Variants in TIMD4 observed in about 807,000 individuals in gnomAD.
TIMD4 encodes the protein T cell immunoglobulin and mucin domain containing 4, also known as T-cell immunoglobulin and mucin domain-containing protein 4.
In TIMD4, 31 loss-of-function variants were observed where a neutral mutation model predicts 41.2. The observed-to-expected ratio is 0.75, with a 90% confidence interval of 0.57 to 1.01. The LOEUF (loss-of-function observed/expected upper bound fraction) is 1.01, where lower values mean the gene tolerates loss of function less well. Ranked by LOEUF, TIMD4 falls within the 50% of genes least tolerant of loss-of-function variation. The pLI, the probability that TIMD4 is intolerant of heterozygous loss-of-function variation, is 0.00. For missense variants in TIMD4, 479 were observed against 472.5 expected, an observed-to-expected ratio of 1.01 and a Z score of -0.13; for synonymous variants, 204 against 177.1, an observed-to-expected ratio of 1.15 and a Z score of -1.21.
At chr5:156,924,585 G>A (rs1759311616) in intron 6 of TIMD4, 3 of 270,690 alleles carry the variant, frequency 1.1e-5, no homozygotes, top group Admixed American at 9.1e-5. Context: ...GCAAGCCATC[G>A]AGTTTGTGCA....
intron 1 of TIMD4, among the ~76,000 whole-genome samples, chr5:156,961,761 A>G (rs1299915194): frequency 7.4e-6 from 1 of 135,700 alleles, no homozygotes; most frequent in Non-Finnish European, 1.6e-5. Flanking sequence ...CGAGATAGAG[A>G]TAGTGCCACT....
At chr5:156,922,357 C>A in intron 6 of TIMD4, 141 bp from the exon 7 acceptor site, 1 of 766,894 alleles carries the variant, frequency 1.3e-6, no homozygotes. Flanking sequence ...TCTCTGAAAA[C>A]CCAAAACACG....
At chr5:156,949,779 G>A (rs772735618) in intron 3 of TIMD4, 48 bp from the exon 4 acceptor site, 1 of 1,143,240 alleles carries the variant, frequency 8.7e-7, no homozygotes. Flanking sequence ...AGTAGTTATT[G>A]TGTTTGTGGT....
In TIMD4 at chr5:156,919,538, T is replaced by C. The variant is rs1183107515; in HGVS notation, c.1056A>G (p.Leu352=). 6.2e-7 allele frequency: 1 copy of C among 1,613,634 alleles called. No individual in the cohort carries two copies. Among genetic ancestry groups the C allele is most frequent in the Non-Finnish European group, 8.5e-7 (1 of 1,179,710 alleles). Residue 352 remains leucine (L), a synonymous_variant, in exon 9 of 9, where the codon CTA becomes CTG. Transcript: ENST00000274532. ...CATTTTTACTATCTCCAATGTAGTC[T>C]AGCCTGTAAACAGAAAAGAGGGGCT... The part of the protein sequence containing the change: ...ETYCSQKHTR[L]DYIGDSKNVL...
chr5:156,938,776 G>A (rs1308133781), intron 5 of TIMD4, among the ~76,000 whole-genome samples: 3 of 152,070 alleles, frequency 2.0e-5, no homozygotes, highest in Non-Finnish European at 4.4e-5. Flanking sequence ...CATGGAGTCC[G>A]CCCACAGAGC....
At chr5:156,958,913 A>T (rs905860899) in intron 1 of TIMD4, among the ~76,000 whole-genome samples, 1 of 152,224 alleles carries the variant, frequency 6.6e-6, no homozygotes. Context: ...TTTAATGATG[A>T]AAAGGGCAAA....
intron 1 of TIMD4, among the ~76,000 whole-genome samples, chr5:156,961,841 G>GAAA (rs58076212): frequency 3.8e-5 from 3 of 79,542 alleles, no homozygotes; most frequent in South Asian, 4.2e-4. Flanking sequence ...AAAAAAGAAA[G>GAAA]AAAAAAAAAA....
intron 1 of TIMD4, 136 bp downstream of exon 1, chr5:156,963,005 C>G: frequency 1.2e-6 from 1 of 819,276 alleles, no homozygotes; most frequent in Non-Finnish European, 2.0e-6. Flanking sequence ...CAGAAGGAAG[C>G]CTGGTAGGGA....
intron 6 of TIMD4, among the ~76,000 whole-genome samples, chr5:156,925,780 A>G (rs937527874): frequency 6.6e-6 from 1 of 152,248 alleles, no homozygotes; most frequent in African/African-American, 2.4e-5. Context: ...ATTTCTGCCA[A>G]GAGTACAAGT....
chr5:156,943,905 A>T (rs2113371894), intron 5 of TIMD4, among the ~76,000 whole-genome samples: 1 of 151,682 alleles, frequency 6.6e-6, no homozygotes, highest in African/African-American at 2.4e-5. Context: ...CAAAAAAAAA[A>T]AAAAATTAGC....
At chr5:156,931,915 A>C (rs1759450428) in intron 5 of TIMD4, among the ~76,000 whole-genome samples, 1 of 151,092 alleles carries the variant, frequency 6.6e-6, no homozygotes, top group African/African-American at 2.5e-5. Context: ...CTGATCTCCT[A>C]TATCCTTTTT....
At chr5:156,932,777 C>T (rs1431067722) in intron 5 of TIMD4, among the ~76,000 whole-genome samples, 1 of 151,864 alleles carries the variant, frequency 6.6e-6, no homozygotes, top group Non-Finnish European at 1.5e-5. Context: ...GAGGCCGAGG[C>T]GGATGGATCA....
At chr5:156,941,496 C>T (rs1179545335) in intron 5 of TIMD4, among the ~76,000 whole-genome samples, 8 of 152,184 alleles carry the variant, frequency 5.3e-5, no homozygotes, top group Admixed American at 6.5e-5. Context: ...TACATTTCTC[C>T]GTCTTTGCTC....
chr5:156,949,627 C>T, intron 4 of TIMD4, 24 bp downstream of exon 4: 1 of 1,580,750 alleles, frequency 6.3e-7, no homozygotes, highest in Non-Finnish European at 8.7e-7. Context: ...TGAGGGAGGA[C>T]AGAGAGAGTG....
chr5:156,955,695 A>T (rs533218953), intron 1 of TIMD4, among the ~76,000 whole-genome samples: 8 of 151,970 alleles, frequency 5.3e-5, no homozygotes, highest in African/African-American at 1.7e-4. Context: ...CAATCCAGAG[A>T]GTGCTATGAG....
intron 5 of TIMD4, among the ~76,000 whole-genome samples, chr5:156,941,744 A>G (rs1203538599): frequency 6.6e-6 from 1 of 152,228 alleles, no homozygotes; most frequent in Non-Finnish European, 1.5e-5. Context: ...ATCCCTTTAA[A>G]GAAGAAGGCC....
intron 5 of TIMD4, among the ~76,000 whole-genome samples, chr5:156,935,095 A>T (rs892721160): frequency 1.3e-5 from 2 of 152,208 alleles, no homozygotes; most frequent in African/African-American, 2.4e-5. Flanking sequence ...ATATGGTCTT[A>T]AAAAATCCAA....
At chr5:156,928,484 AG>A (rs775007803) in intron 5 of TIMD4, among the ~76,000 whole-genome samples, 12 of 152,218 alleles carry the variant, frequency 7.9e-5, no homozygotes, top group Non-Finnish European at 1.5e-4. Context: ...AACATCCAGG[AG>A]GGATGTAAAG....
rs528664572 is a variant in TIMD4 at position 156,942,462 on chromosome 5, C to G, written c.844+5954G>C. Among the ~76,000 whole-genome samples the G allele has an allele frequency of 7.9e-5, 12 of 152,302 alleles. No homozygotes were observed. The East Asian group carries it at 1.9e-3, about 24-fold the overall frequency. Reference sequence around the variant, plus strand: ...AGCATTCTACAGACAAGACTTCCCCCCTACATCCCCTGGAAGTTCATAGAC... The same window carrying G: ...AGCATTCTACAGACAAGACTTCCCCGCTACATCCCCTGGAAGTTCATAGAC... On this transcript the variant is annotated intron_variant, in intron 5 of 8. Coordinates refer to ENST00000274532, the MANE Select transcript of TIMD4 (RefSeq NM_138379.3).
Sources: gnomAD v4.1 joint callset for allele counts (sites outside exome capture counted in the v4.1 genomes callset) on GRCh38, gnomAD v4.1.1 for gene constraint, MANE v1.5 for transcripts, NCBI Gene and HGNC (gene_info 2026-07-23, HGNC 2026-07-21) for gene names.